The following CCDC178 variants were observed in gnomAD, a reference collection of about 807,000 sequenced individuals.
CCDC178 encodes the protein coiled-coil domain-containing protein 178.
A neutral mutation model predicts 117.4 loss-of-function variants in CCDC178; 126 were observed. That is an observed-to-expected ratio of 1.07 (90% CI 0.93 to 1.24). The LOEUF is 1.24. CCDC178 is among the 50% of genes most tolerant of loss of function. The pLI, the probability that CCDC178 is intolerant of heterozygous loss-of-function variation, is 0.00. For missense variants in CCDC178, 1,030 were observed against 986.9 expected (o/e 1.04, Z -0.59); for synonymous variants, 283 against 313.4 (o/e 0.90, Z 1.02).
chr18:33,248,271 T>A (rs1483423026), intron 14 of CCDC178, among the ~76,000 whole-genome samples: 1 of 151,828 alleles, frequency 6.6e-6, no homozygotes, highest in East Asian at 1.9e-4. Context: ...CCTTTATTTT[T>A]TTTTATTTTT....
chr18:33,035,220 G>C (rs2056420701), intron 21 of CCDC178, among the ~76,000 whole-genome samples: 1 of 151,906 alleles, frequency 6.6e-6, no homozygotes, highest in Admixed American at 6.6e-5. Flanking sequence ...GTAGAGTCTG[G>C]ATACATGGAA....
intron 20 of CCDC178, among the ~76,000 whole-genome samples, chr18:33,106,625 A>T (rs952461082): frequency 1.3e-5 from 2 of 151,684 alleles, no homozygotes; most frequent in Non-Finnish European, 3.0e-5. Context: ...GATAGTTATC[A>T]AAGAAAGGTA....
At chr18:33,094,858 T>G (rs1056787773) in intron 20 of CCDC178, among the ~76,000 whole-genome samples, 2 of 152,018 alleles carry the variant, frequency 1.3e-5, no homozygotes, top group African/African-American at 4.8e-5. Context: ...TTTCCAGTAA[T>G]GAATATATGA....
intron 21 of CCDC178, among the ~76,000 whole-genome samples, chr18:33,069,198 A>C (rs947178807): frequency 6.6e-6 from 1 of 152,110 alleles, no homozygotes; most frequent in Non-Finnish European, 1.5e-5. Context: ...AATTTGTATG[A>C]AACAAAAAAG....
At chr18:33,423,020 A>C (rs936695555) in intron 2 of CCDC178, among the ~76,000 whole-genome samples, 3 of 152,196 alleles carry the variant, frequency 2.0e-5, no homozygotes, top group African/African-American at 7.2e-5. Flanking sequence ...TTCATAGCTA[A>C]AGCAAAAATT....
At chr18:33,025,846 A>G (rs1272141166) in intron 21 of CCDC178, among the ~76,000 whole-genome samples, 1 of 152,178 alleles carries the variant, frequency 6.6e-6, no homozygotes, top group Non-Finnish European at 1.5e-5. Context: ...CTTAATTACC[A>G]TATGACCAAA....
intron 20 of CCDC178, among the ~76,000 whole-genome samples, chr18:33,105,741 G>C (rs1306068624): frequency 6.6e-6 from 1 of 151,576 alleles, no homozygotes; most frequent in Non-Finnish European, 1.5e-5. Context: ...ATTTTACTGT[G>C]TAATCTCTCT....
chr18:32,964,456 A>G (rs1476236870), intron 22 of CCDC178, among the ~76,000 whole-genome samples: 1 of 151,970 alleles, frequency 6.6e-6, no homozygotes, highest in African/African-American at 2.4e-5. Context: ...CCAGTTCCTG[A>G]AGGGAAAATG....
At chr18:33,116,160 C>T (rs920358057) in intron 20 of CCDC178, among the ~76,000 whole-genome samples, 2 of 151,986 alleles carry the variant, frequency 1.3e-5, no homozygotes, top group African/African-American at 4.8e-5. Flanking sequence ...CAAAGCTGAG[C>T]TACTACAGAG....
chr18:33,278,800 T>A (rs1255770244), intron 12 of CCDC178, among the ~76,000 whole-genome samples: 1 of 152,126 alleles, frequency 6.6e-6, no homozygotes, highest in East Asian at 1.9e-4. Flanking sequence ...GCTGGTTCAA[T>A]ATACGCAAAT....
In CCDC178 at chr18:33,212,007, C is replaced by T; in HGVS notation, c.2127G>A (p.Val709=). 1 of 1,606,166 alleles carries T rather than the reference C, an allele frequency of 6.2e-7. No homozygotes were observed. The highest frequency in any genetic ancestry group is 8.5e-7 in the Non-Finnish European group (1 of 1,176,476). ...TTTTCTCTTGCATATAATGATCAAA[C>T]ACAGTTTGTGCATGTTCCCTTTTAA... ...MRFKREHAQT[V]FDHYMQEKKD... is the part of the protein sequence containing the mutation. The change falls in exon 20 of 23, where the codon GTG becomes GTA. Residue 709 remains valine (V), a synonymous_variant. Coordinates refer to ENST00000383096, the MANE Select transcript of CCDC178 (RefSeq NM_001105528.4).
At chr18:33,304,873 CA>C (rs1243755402) in intron 11 of CCDC178, among the ~76,000 whole-genome samples, 1 of 152,190 alleles carries the variant, frequency 6.6e-6, no homozygotes, top group Non-Finnish European at 1.5e-5. Context: ...CGCTCAAGTT[CA>C]GGGAAGTTCA....
chr18:33,357,840 G>A (rs2063076770), intron 6 of CCDC178, among the ~76,000 whole-genome samples: 1 of 150,532 alleles, frequency 6.6e-6, no homozygotes, highest in Non-Finnish European at 1.5e-5. Flanking sequence ...GTATGCATGT[G>A]TGTGTGTGTG....
In CCDC178 at chr18:32,970,394, C is replaced by T. The variant is rs147130609; in HGVS notation, c.2523+4153G>A. Among the ~76,000 whole-genome samples the T allele has an allele frequency of 1.4e-4, 21 of 151,946 alleles. No homozygotes were observed. The East Asian group carries it at 3.5e-3, about 25-fold the overall frequency. On this transcript the variant is annotated intron_variant, in intron 22 of 22. Coordinates refer to ENST00000383096, the MANE Select transcript of CCDC178 (RefSeq NM_001105528.4). ...GTTATATACAATTTACTTTACAAAA[C>T]CTTCATCAAATGATTTTTGCATTGA... is the stretch of plus-strand genomic sequence containing the variant.
chr18:33,412,110 C>A lies in CCDC178; in HGVS notation c.-22G>T. On this transcript the variant is annotated splice_region_variant and 5_prime_UTR_variant, in exon 3 of 23. Transcript: ENST00000383096. ...TCATAGTTATAAGAATATTTTAAAACCTAATTAGAAAGAAAAATATTTAAA... is the reference window on the plus strand; with the variant it reads ...TCATAGTTATAAGAATATTTTAAAAACTAATTAGAAAGAAAAATATTTAAA... 2.5e-6 allele frequency: 3 copies of A among 1,195,176 alleles called. No homozygotes were observed. Among genetic ancestry groups the A allele is most frequent in the South Asian group, 1.5e-5 (1 of 68,032 alleles). The allele number at this position is 1,195,176 out of a possible 1,614,324, so 74.0% of individuals were successfully genotyped here.
At chr18:33,350,080 A>AT (rs1175651595) in intron 7 of CCDC178, among the ~76,000 whole-genome samples, 11 of 151,876 alleles carry the variant, frequency 7.2e-5, no homozygotes, top group African/African-American at 2.7e-4. Flanking sequence ...TGAAAAGTAT[A>AT]TTTTTTCTGA....
intron 15 of CCDC178, among the ~76,000 whole-genome samples, chr18:33,240,091 A>G (rs2059469494): frequency 6.6e-6 from 1 of 151,988 alleles, no homozygotes. Flanking sequence ...GTAGAAGATT[A>G]AAACTATACA....
chr18:33,206,211 G>A (rs372654785), intron 20 of CCDC178, among the ~76,000 whole-genome samples: 18 of 151,752 alleles, frequency 1.2e-4, no homozygotes, highest in Middle Eastern at 3.4e-3. Flanking sequence ...CATTAAATGC[G>A]ATCACTATAT....
At chr18:33,440,282 C>CAGTGGGG (rs2064361601) in intron 1 of CCDC178, among the ~76,000 whole-genome samples, 1 of 84,234 alleles carries the variant, frequency 1.2e-5, no homozygotes, top group Non-Finnish European at 2.3e-5. Context: ...CTTCCCCCGG[C>CAGTGGGG]AGTGGGGACT....
Sources: allele counts gnomAD v4.1 joint callset (sites outside exome capture counted in the v4.1 genomes callset), GRCh38; gene constraint gnomAD v4.1.1; transcripts MANE v1.5; gene names NCBI Gene and HGNC (gene_info 2026-07-23, HGNC 2026-07-21).